ICA1: variants seen among roughly 807,000 people sequenced by gnomAD.
ICA1 encodes the protein 69 kDa islet cell autoantigen.
Under a neutral mutation model 71.0 loss-of-function variants are expected in ICA1, and 40 were observed. The observed-to-expected ratio is 0.56, with a 90% CI of 0.44 to 0.73. The LOEUF is 0.73. Among genes scored for constraint, ICA1 ranks in the 30% least tolerant of loss-of-function variants. The pLI is 0.00. For missense variants in ICA1, 578 were observed against 576.5 expected (o/e 1.00, Z -0.03); for synonymous variants, 207 against 209.5 (o/e 0.99, Z 0.10).
chr7:8,221,081 AG>A (rs1209872875), intron 5 of ICA1, among the ~76,000 whole-genome samples, 193 bp downstream of exon 5: 1 of 152,102 alleles, frequency 6.6e-6, no homozygotes, highest in Non-Finnish European at 1.5e-5. Context: ...ATTAATAGGG[AG>A]GAAAAAAAAA....
chr7:8,127,530 C>T (rs1001950832), intron 13 of ICA1, among the ~76,000 whole-genome samples: 11 of 152,092 alleles, frequency 7.2e-5, no homozygotes, highest in African/African-American at 2.2e-4. Flanking sequence ...CTTATGGGAA[C>T]GTGGTGAACT....
chr7:8,117,989 T>C (rs1020425541), intron 13 of ICA1, among the ~76,000 whole-genome samples: 8 of 152,260 alleles, frequency 5.3e-5, no homozygotes, highest in Admixed American at 2.0e-4. Context: ...GTATTATTCA[T>C]CTTTATATCC....
At chr7:8,190,546 C>T (rs1438735463) in intron 6 of ICA1, among the ~76,000 whole-genome samples, 4 of 152,160 alleles carry the variant, frequency 2.6e-5, no homozygotes, top group Non-Finnish European at 4.4e-5. Context: ...TCTGGTGCCC[C>T]CTGCAGGATT....
In ICA1 at chr7:8,236,482, A is replaced by G. The variant is rs1358327951; in HGVS notation, c.-79-477T>C. Among the ~76,000 whole-genome samples the G allele has an allele frequency of 5.3e-5, 8 of 152,352 alleles. No individual in the cohort carries two copies. In the East Asian group the frequency reaches 1.2e-3, roughly 22 times the overall value. ...TTCTCTTTGTGAAGCTAGGTGGTGA[A>G]TATATTGCATCTGTATGCCTCCTTA... On this transcript the variant is annotated intron_variant, in intron 1 of 13. Transcript: ENST00000402384.
chr7:8,238,404 C>T (rs1455605261), intron 1 of ICA1, among the ~76,000 whole-genome samples: 1 of 152,112 alleles, frequency 6.6e-6, no homozygotes, highest in African/African-American at 2.4e-5. Context: ...TGCATCTTTT[C>T]ATATTTTTTT....
intron 12 of ICA1, among the ~76,000 whole-genome samples, chr7:8,138,034 G>A: frequency 6.6e-6 from 1 of 152,130 alleles, no homozygotes; most frequent in South Asian, 2.1e-4. Context: ...TCTGGAGTTT[G>A]GCTCTAAATT....
chr7:8,209,586 C>A (rs1196694969), intron 6 of ICA1, among the ~76,000 whole-genome samples: 1 of 151,928 alleles, frequency 6.6e-6, no homozygotes, highest in Admixed American at 6.6e-5. Context: ...ATTCTTGAAC[C>A]CCAATTGCAT....
intron 6 of ICA1, among the ~76,000 whole-genome samples, chr7:8,177,411 G>A (rs1227721378): frequency 1.3e-5 from 2 of 151,974 alleles, no homozygotes; most frequent in Non-Finnish European, 2.9e-5. Context: ...CCTCTTTCAG[G>A]TCATTAGTGG....
At chr7:8,147,023 A>G (rs1366986437) in intron 8 of ICA1, among the ~76,000 whole-genome samples, 1 of 151,838 alleles carries the variant, frequency 6.6e-6, no homozygotes, top group East Asian at 2.0e-4. Flanking sequence ...TAAATTTTGT[A>G]ACACTGGTCC....
chr7:8,131,388 A>C (rs1266679263), intron 12 of ICA1, among the ~76,000 whole-genome samples: 1 of 152,244 alleles, frequency 6.6e-6, no homozygotes, highest in African/African-American at 2.4e-5. Context: ...TTTTACTAAT[A>C]CATATCCTAT....
At chr7:8,220,294 T>A (rs1388563064) in intron 5 of ICA1, among the ~76,000 whole-genome samples, 1 of 152,178 alleles carries the variant, frequency 6.6e-6, no homozygotes, top group Non-Finnish European at 1.5e-5. Flanking sequence ...GGAGAAGGCA[T>A]CACTGAAAAA....
At chr7:8,258,645 G>T (rs773975263) in intron 1 of ICA1, among the ~76,000 whole-genome samples, 1 of 152,186 alleles carries the variant, frequency 6.6e-6, no homozygotes, top group Non-Finnish European at 1.5e-5. Flanking sequence ...TAGTAGGCAG[G>T]CTTTGTTATA....
At chr7:8,206,634 A>G (rs1791633438) in intron 6 of ICA1, among the ~76,000 whole-genome samples, 1 of 151,006 alleles carries the variant, frequency 6.6e-6, no homozygotes, top group South Asian at 2.1e-4. Context: ...CCTCATTCTT[A>G]GCTTCCTCAG....
intron 13 of ICA1, among the ~76,000 whole-genome samples, chr7:8,117,566 TAACAC>T (rs889772739): frequency 6.6e-6 from 1 of 152,252 alleles, no homozygotes; most frequent in Non-Finnish European, 1.5e-5. Flanking sequence ...CCAAAATACT[TAACAC>T]AGCACAGGTA....
At chr7:8,131,967 T>C (rs1050664878) in intron 12 of ICA1, among the ~76,000 whole-genome samples, 3 of 152,320 alleles carry the variant, frequency 2.0e-5, no homozygotes, top group East Asian at 1.9e-4. Flanking sequence ...GGTGCCCCAA[T>C]CCTGCTTTTG....
intron 6 of ICA1, among the ~76,000 whole-genome samples, chr7:8,186,587 A>T (rs1783983129): frequency 6.6e-6 from 1 of 152,226 alleles, no homozygotes; most frequent in African/African-American, 2.4e-5. Flanking sequence ...AGAGATTTCC[A>T]GGGAAGAAAT....
intron 6 of ICA1, among the ~76,000 whole-genome samples, chr7:8,178,345 T>C (rs112184801): frequency 3.1e-4 from 47 of 152,322 alleles, no homozygotes; most frequent in African/African-American, 1.1e-3. Flanking sequence ...AAGACACTTA[T>C]CACATTGAAT....
At chr7:8,244,140 G>A (rs560059278) in intron 1 of ICA1, among the ~76,000 whole-genome samples, 68 of 152,230 alleles carry the variant, frequency 4.5e-4, no homozygotes, top group Non-Finnish European at 7.9e-4. Flanking sequence ...GAGGCATCAC[G>A]CTACCTGACT....
In ICA1 at chr7:8,144,782, A is replaced by C. The variant is rs547613560; in HGVS notation, c.805-810T>G. Among the ~76,000 whole-genome samples the C allele has an allele frequency of 5.3e-5, 8 of 152,332 alleles. No individual in the cohort carries two copies. The highest frequency in any genetic ancestry group is 3.3e-4 in the Admixed American group (5 of 15,300). On this transcript the variant is annotated intron_variant, in intron 8 of 13. Transcript: ENST00000402384. The surrounding 1 kb of genome is among the most constrained non-coding windows in gnomAD (Gnocchi z 4.5). The stretch of plus-strand genomic sequence containing the variant: ...GGCCCTAATTAAAATACAAACCTAT[A>C]AATACAAAATAAACATCTCAGGATA...
Sources: gnomAD v4.1 joint callset for allele counts (sites outside exome capture counted in the v4.1 genomes callset) on GRCh38, gnomAD v4.1.1 for gene constraint, Gnocchi (gnomAD v3.1) non-coding constraint, MANE v1.5 for transcripts, NCBI Gene and HGNC (gene_info 2026-07-23, HGNC 2026-07-21) for gene names.